RGS9: variants seen among roughly 807,000 people sequenced by gnomAD.
The protein encoded by RGS9 is regulator of G-protein signalling 9.
Under a neutral mutation model 102.0 loss-of-function variants are expected in RGS9, and 78 were observed. The observed-to-expected ratio is 0.76, with a 90% CI of 0.64 to 0.92. RGS9 has a LOEUF of 0.92. Ranked by LOEUF, RGS9 falls within the 40% of genes least tolerant of loss-of-function variation. RGS9 has a pLI of 0.00. For synonymous variants in RGS9, 353 were observed against 318.6 expected (o/e 1.11, Z -1.15); for missense variants, 833 against 866.1 (o/e 0.96, Z 0.48).
chr17:65,199,861 CTTGT>C (rs1912757077), intron 13 of RGS9, among the ~76,000 whole-genome samples: 1 of 151,974 alleles, frequency 6.6e-6, no homozygotes, highest in South Asian at 2.1e-4. Flanking sequence ...ATAATATTTC[CTTGT>C]TTGTATGTAC....
chr17:65,161,504 G>A (rs1338614543), intron 6 of RGS9, among the ~76,000 whole-genome samples: 19 of 151,866 alleles, frequency 1.3e-4, no homozygotes, highest in Admixed American at 1.2e-3. Flanking sequence ...TGCCTGCCTC[G>A]GCCTCTCAAA....
intron 16 of RGS9, among the ~76,000 whole-genome samples, chr17:65,210,263 G>A (rs780131682): frequency 6.6e-6 from 1 of 152,188 alleles, no homozygotes; most frequent in African/African-American, 2.4e-5. Flanking sequence ...GGTCTTCCTT[G>A]TGCCTGACCT....
intron 13 of RGS9, among the ~76,000 whole-genome samples, chr17:65,200,713 A>G (rs1156309955): frequency 2.0e-5 from 3 of 152,176 alleles, no homozygotes; most frequent in African/African-American, 7.2e-5. Flanking sequence ...TTGACCCTTG[A>G]CCAACACTGG....
At chr17:65,146,190 C>A (rs1910352530) in intron 1 of RGS9, among the ~76,000 whole-genome samples, 1 of 152,184 alleles carries the variant, frequency 6.6e-6, no homozygotes, top group South Asian at 2.1e-4. Flanking sequence ...TATGGGCTCC[C>A]TGCTTTTATA....
intron 1 of RGS9, among the ~76,000 whole-genome samples, chr17:65,145,760 C>A (rs1910334485): frequency 6.6e-6 from 1 of 152,034 alleles, no homozygotes; most frequent in Non-Finnish European, 1.5e-5. Context: ...GGGGTTAGGA[C>A]TTCAATGTAC....
chr17:65,207,951 G>C lies in RGS9; in HGVS notation c.1233G>C (p.Pro411=). 1 of 1,612,852 alleles carries C rather than the reference G, an allele frequency of 6.2e-7. No homozygotes were observed. Among genetic ancestry groups the C allele is most frequent in the Non-Finnish European group, 8.5e-7 (1 of 1,179,186 alleles). Residue 411 remains proline (P), a synonymous_variant, in exon 16 of 19, where the codon CCG becomes CCC. Transcript: ENST00000262406. ...KDSYARYLKS[P]IYKDMLAKAI... The stretch of plus-strand genomic sequence containing the variant: ...CTTATGCTCGCTATTTAAAATCTCC[G>C]ATCTATAAGGACATGCTGGCCAAAG...
chr17:65,211,033 CTG>C (rs904837509), intron 17 of RGS9, among the ~76,000 whole-genome samples: 3 of 152,098 alleles, frequency 2.0e-5, no homozygotes, highest in Admixed American at 1.3e-4. Flanking sequence ...AAAGCTCTCA[CTG>C]AGAGAGAGCT....
intron 18 of RGS9, 150 bp from the exon 19 acceptor site, chr17:65,227,125 T>C (rs1200468281): frequency 1.3e-5 from 12 of 901,384 alleles, no homozygotes; most frequent in Non-Finnish European, 2.1e-5. Flanking sequence ...TGTAGTCAAA[T>C]GCTCTACCCC....
rs564576990 is a variant in RGS9, at chr17:65,174,526, TGA to T, written c.583-3202_583-3201del. ...GTATGTGAGAATATGTATGTATGTG[TGA>T]GAGTGTGTAGATGTGTACATGTAAG... On this transcript the variant is annotated intron_variant, in intron 8 of 18. Coordinates refer to ENST00000262406, the MANE Select transcript of RGS9 (RefSeq NM_003835.4). Among the ~76,000 whole-genome samples the T allele has an allele frequency of 4.4e-3, 675 of 152,058 alleles. 4 individuals are homozygous for T. The highest frequency in any genetic ancestry group is 0.011 in the African/African-American group (460 of 41,454).
chr17:65,180,538 C>T lies in RGS9; in HGVS notation c.654+2735C>T, dbSNP rs544262568. On this transcript the variant is annotated intron_variant, in intron 9 of 18. Coordinates refer to ENST00000262406, the MANE Select transcript of RGS9 (RefSeq NM_003835.4). ...AATTTTTTCATATTTTTAGTACAGA[C>T]GGAGTTTCTCCATGTTGGCCAGGCT... Among the ~76,000 whole-genome samples, 12 of 152,200 alleles carry T rather than the reference C, an allele frequency of 7.9e-5. No individual in the cohort carries two copies. The South Asian group carries it at 1.0e-3, about 13-fold the overall frequency.
At chr17:65,224,783 G>C (rs1905543491) in intron 17 of RGS9, among the ~76,000 whole-genome samples, 2 of 152,198 alleles carry the variant, frequency 1.3e-5, no homozygotes, top group Admixed American at 1.3e-4. Flanking sequence ...TGTGACCAGG[G>C]CTGGGCGACA....
Position 65,225,064 on chromosome 17 carries a change from G to C in RGS9, c.1470G>C (p.Pro490=). 1 of 1,613,886 alleles carries C rather than the reference G, an allele frequency of 6.2e-7. No homozygotes were observed. Among genetic ancestry groups the C allele is most frequent in the South Asian group, 1.1e-5 (1 of 91,068 alleles). ...TGTACACCGGGACCTGCATGCCCCC[G>C]TCTCCTTCTAGCCCCTTCTCCTCCT... is the stretch of plus-strand genomic sequence containing the variant. ...LTVYTGTCMP[P]SPSSPFSSSC... The change falls in exon 18 of 19, where the codon CCG becomes CCC. Residue 490 remains proline (P), a synonymous_variant. Transcript: ENST00000262406.
intron 9 of RGS9, among the ~76,000 whole-genome samples, chr17:65,184,859 G>GTCTCTCTCTCTC (rs55810439): frequency 2.9e-5 from 4 of 138,314 alleles, no homozygotes; most frequent in African/African-American, 2.7e-5. Context: ...CCTTCTCACT[G>GTCTCTCTCTCTC]TCTCTCTCTC....
chr17:65,184,203 T>C (rs931555072), intron 9 of RGS9, among the ~76,000 whole-genome samples: 1 of 152,226 alleles, frequency 6.6e-6, no homozygotes, highest in African/African-American at 2.4e-5. Flanking sequence ...TTTTTTTTTG[T>C]AACAACTTCG....
In RGS9 at chr17:65,160,579, C is replaced by A. The variant is rs780413350; in HGVS notation, c.356C>A (p.Thr119Asn). 2.5e-6 allele frequency: 4 copies of A among 1,614,168 alleles called. No homozygotes were observed. The highest frequency in any genetic ancestry group is 2.2e-5 in the East Asian group (1 of 44,896). Residue 119 changes from threonine to asparagine, a missense_variant, in exon 5 of 19, where the codon ACC becomes AAC. Physicochemically the swap from Thr to Asn is moderately conservative, Grantham distance 65 (BLOSUM62 0). Around this residue, in one of 3 missense-constraint regions of RGS9, gnomAD observed 328 missense variants for 340.6 expected, o/e 0.96. Coordinates refer to ENST00000262406, the MANE Select transcript of RGS9 (RefSeq NM_003835.4). ...ACCCAGCAGTGGCCAGCTGAAGATA[C>A]CGATTACGGTAAATACTTCAGCCCC... ...WPTQQWPAED[T>N]DYAIYLAKRN...
intron 11 of RGS9, among the ~76,000 whole-genome samples, chr17:65,193,254 C>CAAAAAAAAAAAAAAA (rs377349682): frequency 1.2e-5 from 1 of 83,170 alleles, no homozygotes. Flanking sequence ...TTGGCTGTCT[C>CAAAAAAAAAAAAAAA]AAAAAAAAAA....
intron 18 of RGS9, among the ~76,000 whole-genome samples, chr17:65,226,268 C>A (rs867927940): frequency 6.6e-6 from 1 of 152,202 alleles, no homozygotes; most frequent in Admixed American, 6.5e-5. Context: ...GTCAGGGGCA[C>A]CCCTGCACCA....
chr17:65,192,925 C>A (rs1912429070), intron 11 of RGS9, among the ~76,000 whole-genome samples: 1 of 151,966 alleles, frequency 6.6e-6, no homozygotes, highest in African/African-American at 2.4e-5. Context: ...TGGTTTGAAT[C>A]TAAAAACCTA....
intron 1 of RGS9, among the ~76,000 whole-genome samples, chr17:65,146,317 T>C (rs545993207): frequency 2.7e-4 from 41 of 151,934 alleles, no homozygotes; most frequent in Admixed American, 7.2e-4. Context: ...TGGCCTGGCG[T>C]GGTGGCTCAC....
Sources: gnomAD v4.1 joint callset for allele counts (sites outside exome capture counted in the v4.1 genomes callset) on GRCh38, gnomAD v4.1.1 for gene constraint, gnomAD v4.1.1 regional missense constraint, MANE v1.5 for transcripts, NCBI Gene and HGNC (gene_info 2026-07-23, HGNC 2026-07-21) for gene names.